The following POLA1 variants were observed in gnomAD, a reference collection of about 807,000 sequenced individuals.
POLA1 encodes the protein DNA polymerase alpha catalytic subunit.
In POLA1, 15 loss-of-function variants were observed where a neutral mutation model predicts 124.0. The observed-to-expected ratio is 0.12, with a 90% CI of 0.08 to 0.19. The LOEUF (loss-of-function observed/expected upper bound fraction) is 0.19, where lower values mean the gene tolerates loss of function less well. Ranked by LOEUF, POLA1 falls within the 10% of genes least tolerant of loss-of-function variation. POLA1 has a pLI of 1.00. For missense variants in POLA1, 886 were observed against 1,103.4 expected (o/e 0.80, Z 2.79); for synonymous variants, 408 against 389.4 (o/e 1.05, Z -0.56).
chrX:24,893,038 A>G (rs1290409625), intron 35 of POLA1, among the ~76,000 whole-genome samples: 1 of 112,385 alleles, frequency 8.9e-6, no homozygotes, highest in Non-Finnish European at 1.9e-5. Flanking sequence ...ATATGTTACC[A>G]TCTCAAAATG....
chrX:24,867,488 G>T (rs1339973934), intron 34 of POLA1, among the ~76,000 whole-genome samples: 1 of 111,273 alleles, frequency 9.0e-6, no homozygotes, highest in Admixed American at 9.6e-5. Flanking sequence ...TAATGTGTTT[G>T]TTCTTCAGAA....
chrX:24,835,208 C>T (rs762556612), intron 32 of POLA1, among the ~76,000 whole-genome samples: 264 of 109,790 alleles, frequency 2.4e-3, no homozygotes, highest in Non-Finnish European at 3.7e-3. Flanking sequence ...CCACCACCCC[C>T]GGCTGATTTT....
At chrX:24,973,873 G>C (rs1179322756) in intron 36 of POLA1, among the ~76,000 whole-genome samples, 1 of 111,127 alleles carries the variant, frequency 9.0e-6, no homozygotes, top group African/African-American at 3.3e-5. Context: ...GATGTGTCTA[G>C]TTCTCAGCCC....
At chrX:24,853,181 T>G (rs1349999024) in intron 34 of POLA1, among the ~76,000 whole-genome samples, 3 of 112,377 alleles carry the variant, frequency 2.7e-5, no homozygotes, top group Non-Finnish European at 5.6e-5. Flanking sequence ...ATTCTCTTAC[T>G]GACGAATGTA....
chrX:24,937,296 A>G (rs2047861982), intron 36 of POLA1, among the ~76,000 whole-genome samples: 1 of 112,011 alleles, frequency 8.9e-6, no homozygotes, highest in African/African-American at 3.2e-5. Context: ...ATACAAAACT[A>G]GATAACTTAT....
chrX:24,836,725 T>G (rs2046346063), intron 32 of POLA1, among the ~76,000 whole-genome samples: 1 of 111,743 alleles, frequency 8.9e-6, no homozygotes, highest in African/African-American at 3.3e-5. Flanking sequence ...TTCCTATGTG[T>G]TCTAATTACG....
intron 26 of POLA1, among the ~76,000 whole-genome samples, chrX:24,800,679 G>A (rs2045690782): frequency 8.9e-6 from 1 of 112,178 alleles, no homozygotes; most frequent in Non-Finnish European, 1.9e-5. Flanking sequence ...AGAATGTTGT[G>A]AAAGGAAGGT....
chrX:24,907,204 G>A (rs1377143024), intron 35 of POLA1, among the ~76,000 whole-genome samples: 1 of 110,367 alleles, frequency 9.1e-6, no homozygotes. Flanking sequence ...GAGAATAAAA[G>A]AAATTATCCA....
intron 26 of POLA1, among the ~76,000 whole-genome samples, chrX:24,767,141 A>G (rs777763765): frequency 1.2e-3 from 137 of 112,099 alleles, no homozygotes; most frequent in Middle Eastern, 4.2e-3. Context: ...TTGGACCTCT[A>G]TTCTAGTACA....
chrX:24,896,942 C>T lies in POLA1; in HGVS notation c.4164+8820C>T, dbSNP rs143832617. Among the ~76,000 whole-genome samples, 42 of 111,978 alleles carry T rather than the reference C, an allele frequency of 3.8e-4. No individual in the cohort carries two copies. The East Asian group carries it at 0.011, about 29-fold the overall frequency. ...CAAGGTGCTTAACATGCCCTTGATACGGTTCGAAGAGTTTGAAGAGTGCAT... is the reference window on the plus strand; with the variant it reads ...CAAGGTGCTTAACATGCCCTTGATATGGTTCGAAGAGTTTGAAGAGTGCAT... On this transcript the variant is annotated intron_variant, in intron 35 of 36. Coordinates refer to ENST00000379068, the MANE Select transcript of POLA1 (RefSeq NM_001330360.2).
At chrX:24,931,175 A>G in intron 36 of POLA1, among the ~76,000 whole-genome samples, 1 of 106,591 alleles carries the variant, frequency 9.4e-6, no homozygotes, top group South Asian at 4.0e-4. Context: ...TGACAACTGC[A>G]TGTTTGTTTT....
chrX:24,819,441 A>G (rs1007330431), intron 30 of POLA1, among the ~76,000 whole-genome samples: 2 of 110,471 alleles, frequency 1.8e-5, no homozygotes, highest in African/African-American at 6.6e-5. Context: ...CCAAGTCAGA[A>G]TAACAGTAGT....
chrX:24,859,864 G>A (rs1601812428), intron 34 of POLA1, among the ~76,000 whole-genome samples: 1 of 112,717 alleles, frequency 8.9e-6, no homozygotes. Flanking sequence ...CCAGTGGATG[G>A]CATTTTCTAA....
chrX:24,852,266 G>T (rs1347651820), intron 34 of POLA1, among the ~76,000 whole-genome samples: 3 of 110,599 alleles, frequency 2.7e-5, no homozygotes, highest in Non-Finnish European at 3.8e-5. Context: ...GGTGGGTGTT[G>T]GTTTGTTTTG....
At chrX:24,722,559 C>T (rs933579296) in intron 10 of POLA1, among the ~76,000 whole-genome samples, 2 of 112,240 alleles carry the variant, frequency 1.8e-5, no homozygotes, top group Non-Finnish European at 3.8e-5. Context: ...CACAGTTTTA[C>T]ATATAGAAAA....
intron 10 of POLA1, among the ~76,000 whole-genome samples, chrX:24,720,305 T>C (rs1268654933): frequency 8.9e-6 from 1 of 112,009 alleles, no homozygotes; most frequent in African/African-American, 3.2e-5. Flanking sequence ...GCGTTTGTCC[T>C]ATTATTTTGA....
intron 34 of POLA1, among the ~76,000 whole-genome samples, chrX:24,878,713 T>C (rs1263709754): frequency 9.2e-6 from 1 of 108,589 alleles, no homozygotes; most frequent in Admixed American, 9.7e-5. Flanking sequence ...GGACCTATTT[T>C]TGAAATTTTA....
At chrX:24,846,682 C>T (rs2046481845) in intron 34 of POLA1, among the ~76,000 whole-genome samples, 1 of 111,888 alleles carries the variant, frequency 8.9e-6, no homozygotes, top group Admixed American at 9.5e-5. Context: ...GAGAGAAACA[C>T]TAGCTAATCT....
intron 26 of POLA1, among the ~76,000 whole-genome samples, chrX:24,785,279 T>C (rs1020734349): frequency 8.9e-6 from 1 of 112,190 alleles, no homozygotes; most frequent in Non-Finnish European, 1.9e-5. Flanking sequence ...TCCTATAATA[T>C]ATTCAGTTTA....
Sources: allele counts gnomAD v4.1 joint callset (sites outside exome capture counted in the v4.1 genomes callset), GRCh38; gene constraint gnomAD v4.1.1; transcripts MANE v1.5; gene names NCBI Gene and HGNC (gene_info 2026-07-23, HGNC 2026-07-21).